CHMP7: variants seen among roughly 807,000 people sequenced by gnomAD.
The protein encoded by CHMP7 is charged multivesicular body protein 7.
In CHMP7, 15 loss-of-function variants were observed where a neutral mutation model predicts 53.7. The observed-to-expected ratio is 0.28, with a 90% CI of 0.19 to 0.43. The LOEUF is 0.43. Ranked by LOEUF, CHMP7 falls within the 20% of genes least tolerant of loss-of-function variation. The pLI, the probability that CHMP7 is intolerant of heterozygous loss-of-function variation, is 1.00. For missense variants in CHMP7, 527 were observed against 569.4 expected (o/e 0.93, Z 0.76); for synonymous variants, 261 against 228.0 (o/e 1.14, Z -1.30).
chr8:23,254,995 G>A (rs1802067173), intron 3 of CHMP7: 9 of 528,750 alleles, frequency 1.7e-5, no homozygotes, highest in South Asian at 8.2e-5. Flanking sequence ...TAAAATCCCC[G>A]ATGGGCGTGC....
At chr8:23,244,001 C>CTT (rs35651662) in intron 1 of CHMP7, among the ~76,000 whole-genome samples, 157 bp downstream of exon 1, 111 of 149,032 alleles carry the variant, frequency 7.4e-4, no homozygotes, top group East Asian at 3.3e-3. Context: ...TATTCTTTTT[C>CTT]TTTTTTTTTT....
At position 23,246,723 on chromosome 8, in the gene CHMP7, G is replaced by T. The variant is rs769418317; in HGVS notation, c.28G>T (p.Ala10Ser). 1.3e-6 allele frequency: 2 copies of T among 1,549,798 alleles called. No homozygotes were observed. The highest frequency in any genetic ancestry group is 2.4e-5 in the South Asian group (2 of 84,098). ...GTGGTCCCCGGAGCGGGAGGCCGAG[G>T]CCCCAGCCGGGGGAGACCCGGCGGG... Reference protein sequence around the residue: MWSPEREAEAPAGGDPAGLL... With the variant: MWSPEREAESPAGGDPAGLL... Residue 10 changes from alanine (A) to serine (S), a missense_variant, in exon 2 of 11, where the codon GCC becomes TCC. Transcript: ENST00000397677.
intron 3 of CHMP7, among the ~76,000 whole-genome samples, chr8:23,251,252 T>G (rs533794443): frequency 5.6e-4 from 85 of 152,296 alleles, no homozygotes; most frequent in African/African-American, 1.9e-3. Flanking sequence ...CCAGTAACTT[T>G]TTACTTTTGG....
rs139229850 is a variant in CHMP7 at position 23,249,212 on chromosome 8, G to A, written c.302G>A (p.Arg101Gln). Residue 101 changes from arginine (R) to glutamine (Q), a missense_variant and splice_region_variant, in exon 3 of 11, where the codon CGA becomes CAA. Physicochemically the swap from Arg to Gln is conservative, Grantham distance 43 (BLOSUM62 1). Coordinates refer to ENST00000397677, the MANE Select transcript of CHMP7 (RefSeq NM_152272.5). ...LATVLQDLLRRGELQRESDFM... is the reference protein window; with the variant it reads ...LATVLQDLLRQGELQRESDFM... ...GCCCTTCTTTTTCTTCCCTGCAGTC[G>A]AGGGGAGCTGCAGCGGGAGTCAGAC... 8 of 1,584,170 alleles carry A rather than the reference G, an allele frequency of 5.0e-6. No homozygotes were observed. The highest frequency in any genetic ancestry group is 2.7e-5 in the African/African-American group (2 of 73,426).
Position 23,246,631 on chromosome 8 carries a change from G to A in CHMP7, c.-65G>A. 1.4e-6 allele frequency: 2 copies of A among 1,389,402 alleles called. No homozygotes were observed. Among genetic ancestry groups the A allele is most frequent in the Non-Finnish European group, 2.0e-6 (2 of 1,025,124 alleles). The allele number at this position is 1,389,402 out of a possible 1,614,324, so 86.1% of individuals were successfully genotyped here. On this transcript the variant is annotated 5_prime_UTR_variant, in exon 2 of 11. Transcript: ENST00000397677. ...TGGTCAAGGAACGGAAGCCGGGAGG[G>A]AACGAGGGCGGAAGCGGACCAGGGC...
chr8:23,256,049 C>T (rs1205680623), intron 4 of CHMP7, among the ~76,000 whole-genome samples: 3 of 152,116 alleles, frequency 2.0e-5, no homozygotes, highest in Non-Finnish European at 2.9e-5. Flanking sequence ...TGTAAACCAC[C>T]GTGCCTGGCC....
At chr8:23,244,654 GTT>G (rs1801624723) in intron 1 of CHMP7, among the ~76,000 whole-genome samples, 1 of 152,134 alleles carries the variant, frequency 6.6e-6, no homozygotes, top group African/African-American at 2.4e-5. Flanking sequence ...TTTAGAATTA[GTT>G]TGTTGATATC....
rs1460882573 is a variant in CHMP7 at position 23,256,552 on chromosome 8, T to G, written c.750T>G (p.Leu250=). The change falls in exon 5 of 11, where the codon CTT becomes CTG. Residue 250 remains leucine (L), a synonymous_variant. Transcript: ENST00000397677. ...GVYQLMQSEQ[L]LSRKVESLSQ... The stretch of plus-strand genomic sequence containing the variant: ...ACCAGCTGATGCAGAGTGAACAGCT[T>G]CTCTCACGCAAAGTGGAGTCCTTAT... 6 of 1,613,838 alleles carry G rather than the reference T, an allele frequency of 3.7e-6. No homozygotes were observed. The highest frequency in any genetic ancestry group is 2.2e-5 in the East Asian group (1 of 44,882).
At chr8:23,248,654 C>T (rs752107692) in intron 2 of CHMP7, among the ~76,000 whole-genome samples, 3 of 152,156 alleles carry the variant, frequency 2.0e-5, no homozygotes, top group East Asian at 1.9e-4. Context: ...TAGCCTTCAG[C>T]GTAGTGACTG....
In CHMP7 at chr8:23,246,944, C is replaced by A; in HGVS notation, c.249C>A (p.Arg83=). 1 of 1,554,710 alleles carries A rather than the reference C, an allele frequency of 6.4e-7. No homozygotes were observed. The highest frequency in any genetic ancestry group is 8.7e-7 in the Non-Finnish European group (1 of 1,152,054). The part of the protein sequence containing the change: ...RLRDLQEAFQ[R]KGSVPLGLAT... The stretch of plus-strand genomic sequence containing the variant: ...GGGACTTGCAGGAGGCCTTTCAGCG[C>A]AAGGGGAGCGTCCCGCTGGGGCTGG... The change falls in exon 2 of 11, where the codon CGC becomes CGA. Residue 83 remains arginine, a synonymous_variant. Transcript: ENST00000397677.
Position 23,246,875 on chromosome 8 carries a change from G to T in CHMP7, c.180G>T (p.Val60=). Residue 60 remains valine (V), a synonymous_variant, in exon 2 of 11, where the codon GTG becomes GTT. Coordinates refer to ENST00000397677, the MANE Select transcript of CHMP7 (RefSeq NM_152272.5). ...DSKMGFWAPL[V]LSHSRRQGVV... ...AGATGGGCTTCTGGGCGCCGTTGGT[G>T]CTGAGCCACAGCCGCCGCCAGGGGG... is the stretch of plus-strand genomic sequence containing the variant. 1 of 1,591,932 alleles carries T rather than the reference G, an allele frequency of 6.3e-7. No homozygotes were observed. Among genetic ancestry groups the T allele is most frequent in the African/African-American group, 1.3e-5 (1 of 74,630 alleles).
rs373288680 is a variant in CHMP7, at chr8:23,252,195, CTTT to C, written c.471+2826_471+2828del. ...CCTTTCCTGTTTTGTATTGTGTTATCTTTTTTTTTTTTTTGAGATGGAGTTTGT... is the reference window on the plus strand; with the variant it reads ...CCTTTCCTGTTTTGTATTGTGTTATCTTTTTTTTTTTGAGATGGAGTTTGT... On this transcript the variant is annotated intron_variant, in intron 3 of 10. Coordinates refer to ENST00000397677, the MANE Select transcript of CHMP7 (RefSeq NM_152272.5). Among the ~76,000 whole-genome samples the C allele has an allele frequency of 3.8e-4, 40 of 105,304 alleles. 1 individual carries two copies. Among genetic ancestry groups the C allele is most frequent in the African/African-American group, 1.1e-3 (39 of 34,002 alleles). 69.1% of individuals were successfully genotyped at this position (105,304 alleles called of 152,430 possible).
At position 23,249,473 on chromosome 8, in the gene CHMP7, T is replaced by C. The variant is rs1801836938; in HGVS notation, c.471+92T>C. 2.9e-6 allele frequency: 3 copies of C among 1,044,388 alleles called. No homozygotes were observed. The South Asian group carries it at 5.8e-5, about 20-fold the overall frequency. The allele number at this position is 1,044,388 out of a possible 1,614,324, so 64.7% of individuals were successfully genotyped here. On this transcript the variant is annotated intron_variant, in intron 3 of 10. Transcript: ENST00000397677. ...TGTGCGTTCTTGAAAAAAGACCGTC[T>C]CTTTTTTTACATGGCTACTGAGTTG... is the stretch of plus-strand genomic sequence containing the variant.
chr8:23,246,978 C>G lies in CHMP7; in HGVS notation c.283C>G (p.Leu95Val). 6.5e-7 allele frequency: 1 copy of G among 1,536,548 alleles called. No homozygotes were observed. Among genetic ancestry groups the G allele is most frequent in the Non-Finnish European group, 8.7e-7 (1 of 1,145,574 alleles). The change falls in exon 2 of 11, where the codon CTG becomes GTG. Residue 95 changes from leucine (L) to valine (V), a missense_variant. Physicochemically the swap from Leu to Val is conservative, Grantham distance 32 (BLOSUM62 1). Coordinates refer to ENST00000397677, the MANE Select transcript of CHMP7 (RefSeq NM_152272.5). ...CGTCCCGCTGGGGCTGGCCACGGTG[C>G]TGCAGGACCTGCTGCGGTGAGGGGC... ...GSVPLGLATV[L>V]QDLLRRGELQ... is the part of the protein sequence containing the mutation.
intron 1 of CHMP7, among the ~76,000 whole-genome samples, chr8:23,244,206 T>C (rs1452511807): frequency 6.6e-6 from 1 of 152,208 alleles, no homozygotes; most frequent in East Asian, 1.9e-4. Context: ...TTTTGTGTTG[T>C]ATCTAAAAAG....
intron 1 of CHMP7, among the ~76,000 whole-genome samples, chr8:23,244,929 C>T (rs1327647736): frequency 1.3e-5 from 2 of 152,116 alleles, no homozygotes; most frequent in Non-Finnish European, 2.9e-5. Context: ...ATTTCATATT[C>T]CACTTGATCA....
At chr8:23,249,647 G>A (rs1434796302) in intron 3 of CHMP7, among the ~76,000 whole-genome samples, 1 of 152,194 alleles carries the variant, frequency 6.6e-6, no homozygotes, top group African/African-American at 2.4e-5. Flanking sequence ...ATGTTAAGCA[G>A]CAGTTTAGGA....
chr8:23,252,589 C>G (rs1295746374), intron 3 of CHMP7: 2 of 152,064 alleles, frequency 1.3e-5, no homozygotes, highest in Admixed American at 6.6e-5. Flanking sequence ...CAGTCTGTTG[C>G]TTGCTTACTT....
At chr8:23,245,066 C>T (rs956333269) in intron 1 of CHMP7, among the ~76,000 whole-genome samples, 3 of 152,144 alleles carry the variant, frequency 2.0e-5, no homozygotes, top group African/African-American at 4.8e-5. Flanking sequence ...ATAATTATGT[C>T]TTCTATAAAG....
Sources: allele counts gnomAD v4.1 joint callset (sites outside exome capture counted in the v4.1 genomes callset), GRCh38; gene constraint gnomAD v4.1.1; transcripts MANE v1.5; gene names NCBI Gene and HGNC (gene_info 2026-07-23, HGNC 2026-07-21).